Variants in TBCK observed in about 807,000 individuals in gnomAD.
TBCK encodes the protein TBC domain-containing protein kinase-like protein.
TBCK carries 99 observed loss-of-function variants against 113.4 expected under a neutral mutation model. That is an observed-to-expected ratio of 0.87 (90% CI 0.74 to 1.03). The LOEUF (loss-of-function observed/expected upper bound fraction) is 1.03. Ranked by LOEUF, TBCK falls within the 50% of genes least tolerant of loss-of-function variation. TBCK has a pLI of 0.00. For missense variants in TBCK, 1,045 were observed against 1,061.3 expected (o/e 0.98, Z 0.21); for synonymous variants, 369 against 370.8 (o/e 1.00, Z 0.05).
In TBCK at chr4:106,214,381, G is replaced by A. The variant is rs181872240; in HGVS notation, c.1775-1546C>T. Reference sequence around the variant, plus strand: ...CAGCTGGACGGAGAATGACTTTGACGAGCTGAGAGAAGGCTTCAGACGATC... The same window carrying A: ...CAGCTGGACGGAGAATGACTTTGACAAGCTGAGAGAAGGCTTCAGACGATC... On this transcript the variant is annotated intron_variant, in intron 19 of 25. Coordinates refer to ENST00000394708, the MANE Select transcript of TBCK (RefSeq NM_001163435.3). Among the ~76,000 whole-genome samples the A allele has an allele frequency of 1.5e-3, 233 of 152,270 alleles. 2 individuals are homozygous for A. The highest frequency in any genetic ancestry group is 5.1e-3 in the African/African-American group (210 of 41,558).
chr4:106,154,420 G>C (rs1431291378), intron 23 of TBCK, among the ~76,000 whole-genome samples: 1 of 152,096 alleles, frequency 6.6e-6, no homozygotes, highest in Non-Finnish European at 1.5e-5. Context: ...TCAATGTCTT[G>C]AAATGTTGTT....
chr4:106,131,463 A>G (rs2149621194), intron 23 of TBCK, among the ~76,000 whole-genome samples: 1 of 152,248 alleles, frequency 6.6e-6, no homozygotes, highest in Middle Eastern at 3.4e-3. Flanking sequence ...AAAGACAAAA[A>G]TTAGCTGGGC....
chr4:106,144,007 T>C (rs867461247), intron 23 of TBCK, among the ~76,000 whole-genome samples: 10 of 152,058 alleles, frequency 6.6e-5, no homozygotes, highest in Middle Eastern at 6.8e-3. Context: ...ATGGTAACCA[T>C]GCATCGCTAA....
intron 12 of TBCK, among the ~76,000 whole-genome samples, chr4:106,238,248 A>G (rs1759691989): frequency 6.6e-6 from 1 of 152,102 alleles, no homozygotes; most frequent in Admixed American, 6.6e-5. Context: ...CCTTTCTTTC[A>G]AAGAGATTAT....
At chr4:106,093,288 C>G (rs1286438526) in intron 25 of TBCK, among the ~76,000 whole-genome samples, 1 of 152,150 alleles carries the variant, frequency 6.6e-6, no homozygotes, top group Non-Finnish European at 1.5e-5. Context: ...GGGCAGATCA[C>G]TAGGTCAGGA....
chr4:106,231,705 T>A, intron 18 of TBCK, 24 bp downstream of exon 18: 2 of 1,589,692 alleles, frequency 1.3e-6, no homozygotes, highest in Non-Finnish European at 1.7e-6. Context: ...GCGCAATGAT[T>A]ATTTAAATGT....
intron 24 of TBCK, among the ~76,000 whole-genome samples, chr4:106,106,151 G>C (rs1168517621): frequency 6.6e-6 from 1 of 152,110 alleles, no homozygotes; most frequent in African/African-American, 2.4e-5. Context: ...TATGTAAAGA[G>C]ACTGAATATA....
intron 23 of TBCK, among the ~76,000 whole-genome samples, chr4:106,145,577 C>T (rs1417542339): frequency 6.6e-6 from 1 of 152,102 alleles, no homozygotes; most frequent in African/African-American, 2.4e-5. Context: ...TTTCCCAGTA[C>T]ATATAGAAGT....
chr4:106,071,686 C>G (rs1259426440), intron 25 of TBCK, among the ~76,000 whole-genome samples: 1 of 152,070 alleles, frequency 6.6e-6, no homozygotes, highest in South Asian at 2.1e-4. Context: ...CTGTCTCATA[C>G]TGACAGTGGG....
chr4:106,106,475 T>C (rs945639554), intron 24 of TBCK, among the ~76,000 whole-genome samples: 2 of 152,106 alleles, frequency 1.3e-5, no homozygotes, highest in African/African-American at 4.8e-5. Flanking sequence ...CCAGAAGAGA[T>C]TAGGGGCCTA....
intron 25 of TBCK, among the ~76,000 whole-genome samples, chr4:106,051,320 G>A (rs1428562317): frequency 6.6e-6 from 1 of 151,854 alleles, no homozygotes; most frequent in Non-Finnish European, 1.5e-5. Flanking sequence ...TACCTGATAC[G>A]AGTTTGAAGT....
At chr4:106,095,067 C>T (rs962640068) in intron 25 of TBCK, among the ~76,000 whole-genome samples, 2 of 152,186 alleles carry the variant, frequency 1.3e-5, no homozygotes, top group Non-Finnish European at 2.9e-5. Flanking sequence ...TGACAGTTGA[C>T]ATTCTCCCTG....
At chr4:106,071,615 T>C (rs1052888287) in intron 25 of TBCK, among the ~76,000 whole-genome samples, 4 of 152,198 alleles carry the variant, frequency 2.6e-5, no homozygotes, top group Non-Finnish European at 4.4e-5. Flanking sequence ...CTATTAGGTG[T>C]GCTTGGTGCA....
chr4:106,251,783 CTATTAT>C (rs1291352253), intron 6 of TBCK, 77 bp downstream of exon 6: 1 of 1,201,940 alleles, frequency 8.3e-7, no homozygotes, highest in African/African-American at 1.6e-5. Flanking sequence ...CAAAAACATA[CTATTAT>C]TAACTTTCCT....
chr4:106,297,813 A>G, intron 2 of TBCK: 1 of 152,150 alleles, frequency 6.6e-6, no homozygotes, highest in East Asian at 1.9e-4. Flanking sequence ...CTAATTAACT[A>G]TGTGACCTCA....
intron 11 of TBCK, 65 bp downstream of exon 11, chr4:106,244,561 A>C: frequency 7.3e-6 from 9 of 1,238,384 alleles, no homozygotes; most frequent in Non-Finnish European, 9.5e-6. Context: ...CTTTTTTATT[A>C]TTACCATAGA....
At chr4:106,055,290 C>A (rs1252620307) in intron 25 of TBCK, among the ~76,000 whole-genome samples, 5 of 151,098 alleles carry the variant, frequency 3.3e-5, no homozygotes, top group Non-Finnish European at 7.4e-5. Context: ...TAGTGGATCA[C>A]TCAATAGAAG....
chr4:106,162,792 G>A (rs189244555), intron 23 of TBCK, among the ~76,000 whole-genome samples: 15 of 152,112 alleles, frequency 9.9e-5, no homozygotes, highest in Middle Eastern at 6.8e-3. Flanking sequence ...CAGAATAGCA[G>A]CAGCCTAGGA....
chr4:106,113,909 A>G (rs1743170114), intron 24 of TBCK, among the ~76,000 whole-genome samples: 1 of 152,194 alleles, frequency 6.6e-6, no homozygotes, highest in Admixed American at 6.5e-5. Context: ...CTCAGCTTCT[A>G]ACAACACGAC....
Sources: gnomAD v4.1 joint callset for allele counts (sites outside exome capture counted in the v4.1 genomes callset) on GRCh38, gnomAD v4.1.1 for gene constraint, MANE v1.5 for transcripts, NCBI Gene and HGNC (gene_info 2026-07-23, HGNC 2026-07-21) for gene names.